Variants in TMEM232 observed in about 807,000 individuals in gnomAD.
The protein encoded by TMEM232 is transmembrane protein 232.
TMEM232 carries 80 observed loss-of-function variants against 78.8 expected under a neutral mutation model. That is an observed-to-expected ratio of 1.01 (90% CI 0.85 to 1.22). TMEM232 has a LOEUF of 1.22. Ranked by LOEUF, TMEM232 falls within the 50% of genes most tolerant of loss-of-function variation. The pLI, the probability that TMEM232 is intolerant of heterozygous loss-of-function variation, is 0.00. For synonymous variants in TMEM232, 297 were observed against 254.3 expected (o/e 1.17, Z -1.60); for missense variants, 881 against 742.2 (o/e 1.19, Z -2.17).
chr5:110,487,698 G>A (rs1764619670), intron 12 of TMEM232, among the ~76,000 whole-genome samples: 1 of 151,994 alleles, frequency 6.6e-6, no homozygotes, highest in South Asian at 2.1e-4. Context: ...TATGTTGTTG[G>A]ATTCAGTTGG....
chr5:110,596,182 A>G (rs1311347039), intron 10 of TMEM232, among the ~76,000 whole-genome samples: 1 of 152,192 alleles, frequency 6.6e-6, no homozygotes, highest in East Asian at 1.9e-4. Context: ...TAAAGGGGAT[A>G]TCACCACCGA....
chr5:110,722,831 G>A (rs1015380863), intron 1 of TMEM232, among the ~76,000 whole-genome samples: 1 of 152,196 alleles, frequency 6.6e-6, no homozygotes, highest in Non-Finnish European at 1.5e-5. Context: ...CTGTCTGTAT[G>A]TTAGTGGAAG....
chr5:110,423,186 T>C (rs1408642322), intron 13 of TMEM232, among the ~76,000 whole-genome samples: 1 of 152,170 alleles, frequency 6.6e-6, no homozygotes, highest in South Asian at 2.1e-4. Flanking sequence ...TGGTTAGGAA[T>C]CATAAGCCAA....
intron 12 of TMEM232, among the ~76,000 whole-genome samples, chr5:110,516,876 G>C (rs1159405708): frequency 6.6e-6 from 1 of 152,148 alleles, no homozygotes; most frequent in Non-Finnish European, 1.5e-5. Flanking sequence ...AGATGTAGCA[G>C]ATACTTCATT....
rs1035901531 is a variant in TMEM232 at position 110,420,137 on chromosome 5, A to T, written c.*443T>A. 2.0e-5 allele frequency: 3 copies of T among 152,684 alleles called. No homozygotes were observed. Among genetic ancestry groups the T allele is most frequent in the Non-Finnish European group, 4.4e-5 (3 of 68,416 alleles). 9.5% of individuals were successfully genotyped at this position (152,684 alleles called of 1,614,324 possible). A position where few individuals can be genotyped will look rare whatever the true frequency, so the allele number is the denominator to read the frequency against. On this transcript the variant is annotated 3_prime_UTR_variant, in exon 14 of 14. Coordinates refer to ENST00000455884, the MANE Select transcript of TMEM232 (RefSeq NM_001039763.4). ...AAGATGCCATACTGTTTTTATTTGA[A>T]TAATAGTAATTACAGGATTGTTAGT...
intron 5 of TMEM232, among the ~76,000 whole-genome samples, chr5:110,631,602 G>T (rs1428911886): frequency 6.6e-6 from 1 of 152,156 alleles, no homozygotes; most frequent in Non-Finnish European, 1.5e-5. Context: ...CCTTGTCTGG[G>T]CCTGGATAGT....
intron 2 of TMEM232, among the ~76,000 whole-genome samples, chr5:110,405,244 A>T (rs1390681222): frequency 6.6e-6 from 1 of 152,152 alleles, no homozygotes; most frequent in Non-Finnish European, 1.5e-5. Flanking sequence ...GCTCAATTTG[A>T]TTATAAAGAT....
intron 12 of TMEM232, among the ~76,000 whole-genome samples, chr5:110,436,962 G>A (rs1758504935): frequency 6.6e-6 from 1 of 151,868 alleles, no homozygotes; most frequent in Admixed American, 6.6e-5. Context: ...ATAAACTTTA[G>A]AATTTTTTTT....
intron 2 of TMEM232, among the ~76,000 whole-genome samples, chr5:110,412,067 G>A (rs1756018336): frequency 6.6e-6 from 1 of 152,124 alleles, no homozygotes; most frequent in Admixed American, 6.5e-5. Flanking sequence ...GAGCTCTTCA[G>A]AGATTTGATC....
Position 110,618,522 on chromosome 5 carries a change from G to A in TMEM232, c.809C>T (p.Ala270Val). The change falls in exon 8 of 14, where the codon GCT (alanine) becomes GTT (valine). Residue 270 changes from alanine (A) to valine (V), a missense_variant. Coordinates refer to ENST00000455884, the MANE Select transcript of TMEM232 (RefSeq NM_001039763.4). ...EINHLLWHCV[A>V]AWSCVQNNSP... ...GTTATTCTGAACACAAGACCAAGCA[G>A]CAACACAGTGCCAGAGCAGGTGGTT... The A allele has an allele frequency of 6.4e-7, 1 of 1,551,468 alleles. No individual in the cohort carries two copies. Among genetic ancestry groups the A allele is most frequent in the Non-Finnish European group, 8.7e-7 (1 of 1,146,790 alleles).
chr5:110,552,461 T>C (rs1317304153), intron 11 of TMEM232, among the ~76,000 whole-genome samples: 1 of 152,088 alleles, frequency 6.6e-6, no homozygotes, highest in African/African-American at 2.4e-5. Flanking sequence ...CTTTCAACTA[T>C]TGTGGTTAAA....
At chr5:110,639,995 C>G (rs1384838199) in intron 4 of TMEM232, among the ~76,000 whole-genome samples, 1 of 152,158 alleles carries the variant, frequency 6.6e-6, no homozygotes, top group African/African-American at 2.4e-5. Flanking sequence ...GTTTTGAGAC[C>G]CCTGATTTAG....
At chr5:110,435,432 G>A (rs1422848019) in intron 12 of TMEM232, among the ~76,000 whole-genome samples, 1 of 151,624 alleles carries the variant, frequency 6.6e-6, no homozygotes, top group Non-Finnish European at 1.5e-5. Flanking sequence ...TTACGTCATG[G>A]AAAATGGATT....
chr5:110,405,332 T>C (rs530605462), intron 2 of TMEM232, among the ~76,000 whole-genome samples: 12 of 152,100 alleles, frequency 7.9e-5, no homozygotes, highest in African/African-American at 2.4e-4. Context: ...CAAAACAAAT[T>C]AAATTTTTAT....
At chr5:110,705,764 G>C (rs1036538752) in intron 1 of TMEM232, among the ~76,000 whole-genome samples, 2 of 86,042 alleles carry the variant, frequency 2.3e-5, no homozygotes, top group Non-Finnish European at 4.2e-5. Context: ...ATGTGTGTGC[G>C]TGTGTGTGTG....
intron 12 of TMEM232, among the ~76,000 whole-genome samples, chr5:110,517,710 A>G (rs549880004): frequency 6.6e-6 from 1 of 152,220 alleles, no homozygotes; most frequent in East Asian, 1.9e-4. Flanking sequence ...CTGCTGAAAC[A>G]TTCTCATTTG....
intron 12 of TMEM232, among the ~76,000 whole-genome samples, chr5:110,489,803 G>A (rs1170061950): frequency 6.6e-6 from 1 of 151,882 alleles, no homozygotes; most frequent in Non-Finnish European, 1.5e-5. Context: ...ATTCATCAAG[G>A]TCACAGGAAA....
At chr5:110,690,345 T>C (rs772385023) in intron 1 of TMEM232, among the ~76,000 whole-genome samples, 5 of 152,150 alleles carry the variant, frequency 3.3e-5, no homozygotes, top group African/African-American at 7.2e-5. Flanking sequence ...AAAGAAGACA[T>C]ATATGTGGTC....
At position 110,638,370 on chromosome 5, in the gene TMEM232, A is replaced by G. The variant is rs1786186881; in HGVS notation, c.344-15T>C. ...ATTTAAAGATTCTGAAATATTAAAA[A>G]TATAGAAACTGCATCATTTGAAAAT... is the stretch of plus-strand genomic sequence containing the variant. On this transcript the variant is annotated splice_polypyrimidine_tract_variant and intron_variant, in intron 4 of 13. Coordinates refer to ENST00000455884, the MANE Select transcript of TMEM232 (RefSeq NM_001039763.4). 6.6e-7 allele frequency: 1 copy of G among 1,517,574 alleles called. No individual in the cohort carries two copies. The highest frequency in any genetic ancestry group is 1.3e-5 in the South Asian group (1 of 77,810). 94.0% of individuals were successfully genotyped at this position (1,517,574 alleles called of 1,614,324 possible).
Sources: gnomAD v4.1 joint callset for allele counts (sites outside exome capture counted in the v4.1 genomes callset) on GRCh38, gnomAD v4.1.1 for gene constraint, MANE v1.5 for transcripts, NCBI Gene and HGNC (gene_info 2026-07-23, HGNC 2026-07-21) for gene names.